SLIT3: variants seen among roughly 807,000 people sequenced by gnomAD.
The protein encoded by SLIT3 is slit guidance ligand 3.
SLIT3 carries 68 observed loss-of-function variants against 184.0 expected under a neutral mutation model. That is an observed-to-expected ratio of 0.37 (90% CI 0.30 to 0.45). SLIT3 has a LOEUF of 0.45. SLIT3 is among the 20% of genes least tolerant of loss of function. SLIT3 has a pLI of 1.00. For synonymous variants in SLIT3, 831 were observed against 828.6 expected (o/e 1.00, Z -0.05); for missense variants, 1,707 against 2,026.0 (o/e 0.84, Z 3.02).
intron 4 of SLIT3, among the ~76,000 whole-genome samples, chr5:168,887,899 A>G (rs1760282118): frequency 1.3e-5 from 2 of 152,192 alleles, no homozygotes; most frequent in African/African-American, 4.8e-5. Context: ...TCAACTCTAC[A>G]AAGAATAAAA....
At chr5:168,898,149 C>T (rs1274011748) in intron 4 of SLIT3, among the ~76,000 whole-genome samples, 1 of 150,682 alleles carries the variant, frequency 6.6e-6, no homozygotes, top group Non-Finnish European at 1.5e-5. Flanking sequence ...GATTCCTGCC[C>T]ATCCTCTAGT....
intron 4 of SLIT3, among the ~76,000 whole-genome samples, chr5:168,962,745 G>A (rs1465377966): frequency 2.7e-5 from 4 of 149,000 alleles, no homozygotes; most frequent in African/African-American, 1.0e-4. Context: ...AAAGCTGGGA[G>A]GGATGAAAGG....
chr5:169,161,086 G>A (rs1179863486), intron 4 of SLIT3, among the ~76,000 whole-genome samples: 1 of 152,168 alleles, frequency 6.6e-6, no homozygotes, highest in Non-Finnish European at 1.5e-5. Flanking sequence ...TCCCCACCCA[G>A]CTCTCAGCTC....
chr5:168,725,264 C>T (rs1763071718), intron 20 of SLIT3, among the ~76,000 whole-genome samples: 1 of 152,154 alleles, frequency 6.6e-6, no homozygotes, highest in Admixed American at 6.5e-5. Flanking sequence ...TAGGATGAGG[C>T]CGCCTCCTTA....
chr5:168,722,169 C>T, intron 23 of SLIT3, 87 bp downstream of exon 23: 2 of 1,213,728 alleles, frequency 1.6e-6, no homozygotes, highest in Non-Finnish European at 1.2e-6. Flanking sequence ...GGGCTTTGGG[C>T]AGAGAGTGGG....
intron 4 of SLIT3, among the ~76,000 whole-genome samples, chr5:169,178,032 G>T (rs1763037376): frequency 6.6e-6 from 1 of 152,210 alleles, no homozygotes; most frequent in South Asian, 2.1e-4. Flanking sequence ...CCACGTGGAG[G>T]CAGTCCTAGT....
intron 4 of SLIT3, among the ~76,000 whole-genome samples, chr5:168,955,967 G>A (rs73312228): frequency 0.025 from 3,859 of 152,244 alleles, 157 homozygotes; most frequent in African/African-American, 0.087. Context: ...CAGCCAACAA[G>A]CATCTGGGCT....
intron 23 of SLIT3, among the ~76,000 whole-genome samples, chr5:168,713,152 A>G (rs567308081): frequency 6.6e-5 from 10 of 152,246 alleles, no homozygotes; most frequent in African/African-American, 2.4e-4. Flanking sequence ...TGTTATGGAA[A>G]CGGCTTTGGC....
At chr5:168,951,683 A>C (rs1186360266) in intron 4 of SLIT3, among the ~76,000 whole-genome samples, 1 of 152,148 alleles carries the variant, frequency 6.6e-6, no homozygotes, top group African/African-American at 2.4e-5. Flanking sequence ...TTGATGGGAA[A>C]ATCCAAGAAA....
chr5:169,083,099 C>T (rs1223146791), intron 4 of SLIT3, among the ~76,000 whole-genome samples: 1 of 152,192 alleles, frequency 6.6e-6, no homozygotes, highest in African/African-American at 2.4e-5. Context: ...CATTACTCAA[C>T]ACAGTTTCGG....
intron 4 of SLIT3, among the ~76,000 whole-genome samples, chr5:169,072,088 G>C (rs1017961585): frequency 1.3e-5 from 2 of 152,106 alleles, no homozygotes; most frequent in Admixed American, 6.5e-5. Flanking sequence ...AACCAGTTAG[G>C]GGGAGAGGAA....
intron 12 of SLIT3, among the ~76,000 whole-genome samples, chr5:168,784,338 TA>T (rs1341481409): frequency 6.6e-6 from 1 of 152,108 alleles, no homozygotes; most frequent in Non-Finnish European, 1.5e-5. Flanking sequence ...CACATAGCCT[TA>T]AAAGCCCACC....
chr5:168,976,819 A>G (rs557257447), intron 4 of SLIT3, among the ~76,000 whole-genome samples: 2 of 152,342 alleles, frequency 1.3e-5, no homozygotes, highest in East Asian at 3.9e-4. Context: ...GCAATGTATT[A>G]TTAACTTTAT....
In SLIT3 at chr5:168,696,281, G is replaced by A; in HGVS notation, c.3082+11C>T. ...TCCACCCCACCATACATACAGTCAT[G>A]AGATCCTTACCTGTGTAGTTAGGCG... On this transcript the variant is annotated intron_variant, in intron 28 of 35. Transcript: ENST00000519560. 1.2e-6 allele frequency: 2 copies of A among 1,614,126 alleles called. No individual in the cohort carries two copies. The highest frequency in any genetic ancestry group is 1.7e-6 in the Non-Finnish European group (2 of 1,180,000).
At chr5:169,132,709 A>G (rs907122367) in intron 4 of SLIT3, among the ~76,000 whole-genome samples, 6 of 152,236 alleles carry the variant, frequency 3.9e-5, no homozygotes, top group Admixed American at 3.3e-4. Flanking sequence ...CCTGAGATGC[A>G]CTAAATTTCT....
chr5:168,987,344 T>C lies in SLIT3; in HGVS notation c.414-104008A>G, dbSNP rs1755164644. ...ACCTATTTCTCCCACCCAGACTATC[T>C]ATGTGGTCCTATTTTTCTATTCACG... On this transcript the variant is annotated intron_variant, in intron 4 of 35. Transcript: ENST00000519560. 2.0e-5 allele frequency among the ~76,000 whole-genome samples: 3 copies of C among 152,206 alleles called. 1 individual carries two copies. The highest frequency in any genetic ancestry group is 2.0e-4 in the Admixed American group (3 of 15,286).
intron 20 of SLIT3, among the ~76,000 whole-genome samples, chr5:168,728,585 T>C (rs1763206086): frequency 6.6e-6 from 1 of 151,822 alleles, no homozygotes; most frequent in African/African-American, 2.4e-5. Flanking sequence ...ATGTAGGCTA[T>C]AAATAAGAAA....
At chr5:168,769,202 C>A (rs1755457128) in intron 14 of SLIT3, among the ~76,000 whole-genome samples, 1 of 152,128 alleles carries the variant, frequency 6.6e-6, no homozygotes, top group African/African-American at 2.4e-5. Flanking sequence ...GTCAGGATGC[C>A]AAAGGCCCAG....
chr5:169,082,570 CTATGTG>C (rs756790793), intron 4 of SLIT3, among the ~76,000 whole-genome samples: 1 of 152,070 alleles, frequency 6.6e-6, no homozygotes, highest in African/African-American at 2.4e-5. Context: ...GTACCTGTCT[CTATGTG>C]TGTGTGTGTC....
Sources: gnomAD v4.1 joint callset for allele counts (sites outside exome capture counted in the v4.1 genomes callset) on GRCh38, gnomAD v4.1.1 for gene constraint, MANE v1.5 for transcripts, NCBI Gene and HGNC (gene_info 2026-07-23, HGNC 2026-07-21) for gene names.